The following PDE8A variants were observed in gnomAD, a reference collection of about 807,000 sequenced individuals.
The protein encoded by PDE8A is high affinity cAMP-specific and IBMX-insensitive 3',5'-cyclic phosphodiesterase 8A.
A neutral mutation model predicts 105.0 loss-of-function variants in PDE8A; 59 were observed. The observed-to-expected ratio is 0.56, with a 90% CI of 0.46 to 0.70. The LOEUF is 0.70. PDE8A is among the 30% of genes least tolerant of loss of function. The pLI is 0.00. For synonymous variants in PDE8A, 355 were observed against 371.9 expected (o/e 0.95, Z 0.52); for missense variants, 1,014 against 1,045.9 (o/e 0.97, Z 0.42).
chr15:85,049,354 T>A (rs995063208), intron 1 of PDE8A, among the ~76,000 whole-genome samples: 1 of 152,166 alleles, frequency 6.6e-6, no homozygotes, highest in South Asian at 2.1e-4. Context: ...TCCCCATTCT[T>A]CCCTTCCCCT....
chr15:85,133,581 T>C (rs2082359813), intron 20 of PDE8A, among the ~76,000 whole-genome samples: 1 of 152,206 alleles, frequency 6.6e-6, no homozygotes, highest in Admixed American at 6.5e-5. Flanking sequence ...CTGTAGACTT[T>C]TGACTGTTTT....
At chr15:85,057,100 C>T (rs989207177) in intron 1 of PDE8A, among the ~76,000 whole-genome samples, 2 of 152,186 alleles carry the variant, frequency 1.3e-5, no homozygotes. Context: ...CCCTGTTTGC[C>T]TGGGTATCAC....
At chr15:85,000,526 C>G (rs1355261074) in intron 1 of PDE8A, among the ~76,000 whole-genome samples, 1 of 152,108 alleles carries the variant, frequency 6.6e-6, no homozygotes, top group Admixed American at 6.5e-5. Context: ...TGCTCAGTTT[C>G]TGCTGTAGTA....
intron 1 of PDE8A, among the ~76,000 whole-genome samples, chr15:84,996,545 C>T (rs1442977262): frequency 6.6e-6 from 1 of 151,942 alleles, no homozygotes; most frequent in Admixed American, 6.6e-5. Flanking sequence ...AAAAAATGGG[C>T]TGGGCATGGT....
chr15:85,106,569 A>G (rs1049635109), intron 11 of PDE8A, among the ~76,000 whole-genome samples: 2 of 152,222 alleles, frequency 1.3e-5, no homozygotes, highest in Admixed American at 1.3e-4. Context: ...CATGAAGCTC[A>G]GAGGAAGGAG....
At chr15:85,095,203 C>T (rs1028665153) in intron 8 of PDE8A, among the ~76,000 whole-genome samples, 3 of 152,114 alleles carry the variant, frequency 2.0e-5, no homozygotes, top group Non-Finnish European at 4.4e-5. Context: ...CTATGCAAAC[C>T]ACCTGCACCC....
chr15:85,082,554 C>T (rs1003299145), intron 5 of PDE8A, among the ~76,000 whole-genome samples: 15 of 152,212 alleles, frequency 9.9e-5, no homozygotes, highest in Non-Finnish European at 2.2e-4. Flanking sequence ...AGACAAGACC[C>T]TGATCACAGT....
intron 1 of PDE8A, among the ~76,000 whole-genome samples, chr15:85,017,881 C>G (rs2080353342): frequency 1.0e-4 from 1 of 9,550 alleles, no homozygotes; most frequent in Admixed American, 7.8e-4. Flanking sequence ...GAGCGAAACT[C>G]CGTCTCAAAA....
chr15:84,987,220 C>T (rs1159739028), intron 1 of PDE8A, among the ~76,000 whole-genome samples: 1 of 152,264 alleles, frequency 6.6e-6, no homozygotes, highest in African/African-American at 2.4e-5. Context: ...ACATAAAATA[C>T]TTTGCATTTA....
intron 1 of PDE8A, among the ~76,000 whole-genome samples, chr15:85,005,501 T>A (rs556501733): frequency 1.7e-4 from 26 of 152,308 alleles, no homozygotes; most frequent in Non-Finnish European, 2.5e-4. Context: ...GTTGATTTTA[T>A]AGCACCTCCG....
In PDE8A at chr15:85,137,808, C is replaced by G. The variant is rs1446404396; in HGVS notation, c.2395C>G (p.Leu799Val). The G allele has an allele frequency of 6.2e-7, 1 of 1,607,998 alleles. No homozygotes were observed. Among genetic ancestry groups the G allele is most frequent in the Admixed American group, 1.7e-5 (1 of 60,028 alleles). Residue 799 changes from leucine to valine, a missense_variant, in exon 22 of 22, where the codon CTG becomes GTG. Transcript: ENST00000394553. ...ATCTTTCTCTCCAGCCTTTGTAGAC[C>G]TGCCTGATTTAATGCAGCATCTTGA... ...MFDAWDAFVD[L>V]PDLMQHLDNN...
Position 85,061,400 on chromosome 15 carries a change from A to AT in PDE8A, c.187-2959dup, listed in dbSNP as rs917097798. ...AGGCACCCGCCACCACACCCAGCTA[A>AT]TTTTTTTTTTTGTATTTTTAGTAGA... On this transcript the variant is annotated intron_variant, in intron 1 of 21. Transcript: ENST00000394553. Among the ~76,000 whole-genome samples, 372 of 145,660 alleles carry AT rather than the reference A, an allele frequency of 2.6e-3. 3 individuals carry two copies. The highest frequency in any genetic ancestry group is 7.5e-3 in the African/African-American group (300 of 39,870).
At chr15:85,102,523 T>C (rs2081879974) in intron 11 of PDE8A, among the ~76,000 whole-genome samples, 1 of 83,132 alleles carries the variant, frequency 1.2e-5, no homozygotes, top group Non-Finnish European at 3.2e-5. Context: ...GTTGTAAGCA[T>C]TTTTTTTTTT....
chr15:85,115,620 T>C, intron 15 of PDE8A, 133 bp downstream of exon 15: 1 of 575,418 alleles, frequency 1.7e-6, no homozygotes, highest in Non-Finnish European at 3.0e-6. Flanking sequence ...AAAGCAGCTG[T>C]CCCTGAGGCG....
intron 1 of PDE8A, among the ~76,000 whole-genome samples, chr15:85,038,556 C>T (rs1267410363): frequency 1.3e-5 from 2 of 152,124 alleles, no homozygotes; most frequent in African/African-American, 4.8e-5. Flanking sequence ...CATGGAGAGA[C>T]AAGCTGCAGA....
intron 1 of PDE8A, among the ~76,000 whole-genome samples, chr15:84,986,784 A>C (rs1225289490): frequency 1.3e-5 from 2 of 151,142 alleles, no homozygotes; most frequent in Non-Finnish European, 2.9e-5. Context: ...AGTTTTTTAA[A>C]CTTTTTTTTT....
At chr15:85,103,301 A>G (rs978462943) in intron 11 of PDE8A, among the ~76,000 whole-genome samples, 7 of 152,198 alleles carry the variant, frequency 4.6e-5, no homozygotes, top group Admixed American at 1.3e-4. Flanking sequence ...AGAGTCAGTG[A>G]TGCAGTCAGA....
intron 1 of PDE8A, among the ~76,000 whole-genome samples, chr15:85,057,196 C>T (rs1037723953): frequency 2.6e-5 from 4 of 152,078 alleles, no homozygotes; most frequent in South Asian, 2.1e-4. Context: ...TGCACCCAGC[C>T]GTATGAGGTG....
chr15:85,109,248 C>G (rs2304419), intron 12 of PDE8A, 118 bp downstream of exon 12: 84,014 of 585,510 alleles, frequency 0.14, 8,568 homozygotes, highest in East Asian at 0.44. Flanking sequence ...GAGGAGGGAA[C>G]CCTCTGGAAA....
Sources: allele counts gnomAD v4.1 joint callset (sites outside exome capture counted in the v4.1 genomes callset), GRCh38; gene constraint gnomAD v4.1.1; transcripts MANE v1.5; gene names NCBI Gene and HGNC (gene_info 2026-07-23, HGNC 2026-07-21).